TNRC6C: variants seen among roughly 807,000 people sequenced by gnomAD.
TNRC6C encodes trinucleotide repeat-containing gene 6C protein.
TNRC6C carries 20 observed loss-of-function variants against 153.7 expected under a neutral mutation model. That is an observed-to-expected ratio of 0.13 (90% confidence interval 0.09 to 0.19). The LOEUF (loss-of-function observed/expected upper bound fraction) is 0.19. Ranked by LOEUF, TNRC6C falls within the 10% of genes least tolerant of loss-of-function variation. The pLI is 1.00. For synonymous variants in TNRC6C, 811 were observed against 841.4 expected, an observed-to-expected ratio of 0.96 and a Z score of 0.63; for missense variants, 1,987 against 2,172.0, an observed-to-expected ratio of 0.91 and a Z score of 1.69.
intron 8 of TNRC6C, among the ~76,000 whole-genome samples, chr17:78,076,763 A>T (rs1262478381): frequency 1.3e-5 from 2 of 152,298 alleles, no homozygotes; most frequent in East Asian, 3.9e-4. Flanking sequence ...CTTAGATTAC[A>T]CCCTATGAAA....
chr17:78,064,624 T>A, intron 3 of TNRC6C, 98 bp from the exon 6 acceptor site: 1 of 1,162,264 alleles, frequency 8.6e-7, no homozygotes, highest in Non-Finnish European at 1.2e-6. Flanking sequence ...TAAGGATAGA[T>A]TATCTTGAAA....
At chr17:77,992,871 C>T (rs1471461579) in intron 1 of TNRC6C, among the ~76,000 whole-genome samples, 2 of 152,120 alleles carry the variant, frequency 1.3e-5, no homozygotes, top group African/African-American at 2.4e-5. Context: ...AGTAAAATAA[C>T]GTGGCAAATT....
At chr17:78,030,916 T>C (rs554090291) in intron 1 of TNRC6C, among the ~76,000 whole-genome samples, 18 of 152,040 alleles carry the variant, frequency 1.2e-4, no homozygotes, top group African/African-American at 4.3e-4. Context: ...CTGGCCAACA[T>C]GGTGAAACCC....
At chr17:78,051,017 G>A in exon 3 of TNRC6C, 2 of 1,613,730 alleles carry the variant, frequency 1.2e-6, no homozygotes, top group African/African-American at 1.3e-5. Context: ...GCCAATCCAG[G>A]TACAAACTGG....
chr17:77,964,098 T>G (rs891653213), intron 1 of TNRC6C, among the ~76,000 whole-genome samples: 2 of 152,242 alleles, frequency 1.3e-5, no homozygotes, highest in Non-Finnish European at 2.9e-5. Context: ...TGGATTGGTC[T>G]AATTTGGCCC....
intron 1 of TNRC6C, among the ~76,000 whole-genome samples, chr17:78,020,936 T>C (rs971663542): frequency 1.6e-4 from 24 of 152,238 alleles, no homozygotes; most frequent in Non-Finnish European, 4.4e-5. Context: ...GCACAAGCTT[T>C]AAATACTCTG....
At chr17:78,046,916 A>G (rs537366140) in intron 2 of TNRC6C, among the ~76,000 whole-genome samples, 2 of 152,294 alleles carry the variant, frequency 1.3e-5, no homozygotes, top group Admixed American at 6.5e-5. Context: ...CTCAAAGTAG[A>G]CCATTAACAA....
chr17:78,096,852 A>G (rs2073496741), intron 16 of TNRC6C, among the ~76,000 whole-genome samples: 1 of 152,214 alleles, frequency 6.6e-6, no homozygotes, highest in African/African-American at 2.4e-5. Context: ...ACATTAGAAA[A>G]TATGAAATAA....
chr17:78,038,218 C>T (rs1167531709), intron 2 of TNRC6C, among the ~76,000 whole-genome samples: 1 of 152,104 alleles, frequency 6.6e-6, no homozygotes, highest in Admixed American at 6.5e-5. Context: ...TGAATAAAAT[C>T]TGAGAGGACA....
At chr17:77,958,369 G>A (rs1032512076), upstream of TNRC6C, among the ~76,000 whole-genome samples, 2 of 152,020 alleles carry the variant, frequency 1.3e-5, no homozygotes, top group Non-Finnish European at 2.9e-5. Context: ...AGCAGTGCAA[G>A]CTCCCAGGAC....
In TNRC6C at chr17:78,080,178, G is replaced by A. The variant is rs563984279; in HGVS notation, c.3357+637G>A. On this transcript the variant is annotated intron_variant, in intron 10 of 19. Coordinates refer to ENST00000301624, the Ensembl canonical transcript of TNRC6C. ...AGAAAAAAATGTTGCCGGGCGCGGCGGCTCACGCCTGTAATCCCAGCACTT... is the reference window on the plus strand; with the variant it reads ...AGAAAAAAATGTTGCCGGGCGCGGCAGCTCACGCCTGTAATCCCAGCACTT... Among the ~76,000 whole-genome samples the A allele has an allele frequency of 3.7e-4, 57 of 152,318 alleles. No homozygotes were observed. The South Asian group carries it at 4.3e-3, about 12-fold the overall frequency.
At chr17:78,003,767 G>T (rs2071450038), upstream of TNRC6C, among the ~76,000 whole-genome samples, 1 of 152,120 alleles carries the variant, frequency 6.6e-6, no homozygotes, top group Admixed American at 6.5e-5. Flanking sequence ...AGATCAAGTG[G>T]AAAAAATAAA....
chr17:78,086,666 A>T (rs111289800), intron 12 of TNRC6C, 80 bp downstream of exon 14: 2 of 1,544,884 alleles, frequency 1.3e-6, no homozygotes, highest in African/African-American at 2.7e-5. Context: ...GAACTATTAG[A>T]TGATCATTGA....
chr17:77,970,047 A>G (rs1367806154), intron 1 of TNRC6C, among the ~76,000 whole-genome samples: 1 of 152,138 alleles, frequency 6.6e-6, no homozygotes, highest in Non-Finnish European at 1.5e-5. Context: ...TTCCTATTCA[A>G]TCTCAAATCT....
In TNRC6C at chr17:78,045,053, T is replaced by C. The variant is rs532333405; in HGVS notation, c.-218-3792T>C. Among the ~76,000 whole-genome samples, 5 of 152,268 alleles carry C rather than the reference T, an allele frequency of 3.3e-5. No homozygotes were observed. In the South Asian group the frequency reaches 8.3e-4, roughly 25 times the overall value. ...GAGCACAGAGCAGGAGAAAGAATGA[T>C]ATGAATGGCCTCAAAAGAGACCCAA... On this transcript the variant is annotated intron_variant, in intron 2 of 19. Coordinates refer to ENST00000301624, the Ensembl canonical transcript of TNRC6C.
chr17:77,982,204 A>G (rs927696510), intron 1 of TNRC6C, among the ~76,000 whole-genome samples: 5 of 152,130 alleles, frequency 3.3e-5, no homozygotes, highest in African/African-American at 9.7e-5. Context: ...ACTATGAGAA[A>G]TGTTTGTTGT....
exon 20 of TNRC6C, chr17:78,105,016 G>A (rs1316463817): frequency 9.6e-6 from 7 of 728,496 alleles, no homozygotes; most frequent in African/African-American, 5.5e-5. Context: ...AAAACAGTGC[G>A]GGCTGCGGTG....
rs115454572 is a variant in TNRC6C at position 78,054,439 on chromosome 17, C to A, written c.2395+2982C>A. 3.0e-3 allele frequency among the ~76,000 whole-genome samples: 460 copies of A among 152,026 alleles called. 4 individuals carry two copies. The highest frequency in any genetic ancestry group is 0.011 in the African/African-American group (450 of 41,416). On this transcript the variant is annotated intron_variant, in intron 3 of 19. Coordinates refer to ENST00000301624, the Ensembl canonical transcript of TNRC6C. ...ATACACCACTGCAGACTACTGTAAA[C>A]CACTGCAGACTACTGTATACTACTG... is the stretch of plus-strand genomic sequence containing the variant.
intron 1 of TNRC6C, among the ~76,000 whole-genome samples, chr17:78,013,140 CT>C (rs2071665949): frequency 1.3e-5 from 2 of 152,180 alleles, no homozygotes; most frequent in South Asian, 4.1e-4. Flanking sequence ...TGTTTTTCAG[CT>C]CTTTTGAGAG....
Sources: gnomAD v4.1 joint callset for allele counts (sites outside exome capture counted in the v4.1 genomes callset) on GRCh38, gnomAD v4.1.1 for gene constraint, MANE v1.5 for transcripts, NCBI Gene and HGNC (gene_info 2026-07-23, HGNC 2026-07-21) for gene names.